Variants in DNAH7 observed in about 807,000 individuals in gnomAD.
DNAH7 encodes the protein axonemal beta dynein heavy chain 7.
DNAH7 carries 397 observed loss-of-function variants against 444.6 expected under a neutral mutation model. The ratio of observed to expected loss-of-function variants is 0.89; its 90% CI spans 0.82 to 0.97. The LOEUF (loss-of-function observed/expected upper bound fraction) is 0.97. Among genes scored for constraint, DNAH7 ranks in the 50% least tolerant of loss-of-function variants. The probability of loss-of-function intolerance (pLI) is 0.00; values close to 1 mark genes in which losing one functional copy is unlikely to be tolerated. For missense variants in DNAH7, 4,902 were observed against 4,800.8 expected (o/e 1.02, Z -0.62); for synonymous variants, 1,636 against 1,624.4 (o/e 1.01, Z -0.17).
At chr2:195,947,081 TTATA>T (rs1012593401) in intron 19 of DNAH7, among the ~76,000 whole-genome samples, 79 of 148,220 alleles carry the variant, frequency 5.3e-4, no homozygotes, top group African/African-American at 1.9e-3. Context: ...ATAAAGCCAA[TTATA>T]TATATATTTA....
intron 40 of DNAH7, among the ~76,000 whole-genome samples, chr2:195,868,729 G>A (rs1399080731): frequency 6.6e-6 from 1 of 150,804 alleles, no homozygotes; most frequent in Non-Finnish European, 1.5e-5. Flanking sequence ...TCTATTTTGG[G>A]GGTCTTGTTT....
intron 63 of DNAH7, among the ~76,000 whole-genome samples, chr2:195,749,454 C>G (rs1423064192): frequency 2.6e-5 from 4 of 152,080 alleles, no homozygotes; most frequent in Non-Finnish European, 4.4e-5. Flanking sequence ...ACTAGAAATA[C>G]CATTTGACCC....
chr2:195,964,143 CA>C (rs1180551901), intron 17 of DNAH7, among the ~76,000 whole-genome samples: 1 of 151,646 alleles, frequency 6.6e-6, no homozygotes, highest in African/African-American at 2.4e-5. Flanking sequence ...GGGCAGGAGA[CA>C]AAAAAAATTT....
At chr2:196,036,464 G>A (rs1696397611) in intron 5 of DNAH7, among the ~76,000 whole-genome samples, 1 of 152,118 alleles carries the variant, frequency 6.6e-6, no homozygotes, top group African/African-American at 2.4e-5. Context: ...TACTACCCAA[G>A]GAATAGGCGA....
chr2:195,891,308 TGGAG>T (rs1451831794), intron 31 of DNAH7, among the ~76,000 whole-genome samples: 7 of 152,186 alleles, frequency 4.6e-5, no homozygotes, highest in Non-Finnish European at 1.0e-4. Flanking sequence ...ACAGAGTGGG[TGGAG>T]GAAGAACATT....
At chr2:196,023,754 T>C (rs1342207106) in intron 8 of DNAH7, among the ~76,000 whole-genome samples, 1 of 152,242 alleles carries the variant, frequency 6.6e-6, no homozygotes, top group Admixed American at 6.5e-5. Flanking sequence ...ACTAGAGGCC[T>C]AGCTGTGGCC....
chr2:195,974,755 T>TACACACACACACACAC (rs58054572), intron 15 of DNAH7, among the ~76,000 whole-genome samples: 9 of 143,576 alleles, frequency 6.3e-5, no homozygotes, highest in African/African-American at 2.1e-4. Context: ...ATGTATATTT[T>TACACACACACACACAC]ACACACACAC....
intron 62 of DNAH7, 79 bp from the exon 63 acceptor site, chr2:195,754,593 T>TCTC (rs1693979609): frequency 6.9e-7 from 1 of 1,440,800 alleles, no homozygotes; most frequent in Admixed American, 2.2e-5. Context: ...GGATCTCTGG[T>TCTC]TGCCCAGGCA....
intron 51 of DNAH7, 100 bp downstream of exon 51, chr2:195,816,528 G>T: frequency 2.4e-6 from 2 of 844,670 alleles, no homozygotes; most frequent in Non-Finnish European, 1.8e-6. Context: ...GTAAGTGGCT[G>T]TAATGCTTGT....
intron 17 of DNAH7, among the ~76,000 whole-genome samples, chr2:195,965,699 T>C (rs1310804752): frequency 1.3e-5 from 2 of 152,174 alleles, no homozygotes; most frequent in Non-Finnish European, 2.9e-5. Flanking sequence ...CTTGGTACTT[T>C]GTGTGTATCT....
At position 195,778,661 on chromosome 2, in the gene DNAH7, T is replaced by TACACACACACACAC. The variant is rs1559089787; in HGVS notation, c.10879-677_10879-676insGTGTGTGTGTGTGT. ...ATAAATAAATATATATATATATATA[T>TACACACACACACAC]ATATATATACACACACACACATATA... is the stretch of plus-strand genomic sequence containing the variant. On this transcript the variant is annotated intron_variant, in intron 58 of 64. Coordinates refer to ENST00000312428, the MANE Select transcript of DNAH7 (RefSeq NM_018897.3). Among the ~76,000 whole-genome samples the TACACACACACACAC allele has an allele frequency of 1.8e-4, 18 of 97,786 alleles. No individual in the cohort carries two copies. The East Asian group carries it at 2.2e-3, about 12-fold the overall frequency. 64.2% of individuals were successfully genotyped at this position (97,786 alleles called of 152,430 possible).
At chr2:195,739,906 G>A (rs1574339478) in intron 64 of DNAH7, among the ~76,000 whole-genome samples, 1 of 152,088 alleles carries the variant, frequency 6.6e-6, no homozygotes, top group East Asian at 1.9e-4. Context: ...TTAGTACCAG[G>A]TTTTTCACAT....
chr2:195,744,624 C>T (rs1693269726), intron 63 of DNAH7, among the ~76,000 whole-genome samples: 2 of 152,178 alleles, frequency 1.3e-5, no homozygotes, highest in Admixed American at 6.5e-5. Context: ...CAGACTGACA[C>T]CTCACACGGC....
chr2:195,828,577 T>C (rs955065056), intron 48 of DNAH7, among the ~76,000 whole-genome samples: 16 of 149,728 alleles, frequency 1.1e-4, no homozygotes, highest in African/African-American at 3.7e-4. Context: ...AGAGCAAGAC[T>C]CCATCTCAAA....
chr2:195,746,666 C>T (rs930966052), intron 63 of DNAH7, among the ~76,000 whole-genome samples: 1 of 152,210 alleles, frequency 6.6e-6, no homozygotes, highest in African/African-American at 2.4e-5. Flanking sequence ...ACAGTGCAAT[C>T]AAACTAGAAC....
At chr2:195,954,299 T>C (rs12614021) in intron 19 of DNAH7, among the ~76,000 whole-genome samples, 10,239 of 152,202 alleles carry the variant, frequency 0.067, 490 homozygotes, top group African/African-American at 0.14. Context: ...GTCCTTGCAA[T>C]AGTTTGCTGA....
At chr2:196,064,908 G>A (rs956404289) in intron 1 of DNAH7, among the ~76,000 whole-genome samples, 3 of 151,982 alleles carry the variant, frequency 2.0e-5, no homozygotes, top group Admixed American at 2.0e-4. Flanking sequence ...ATGTATTTTA[G>A]TATAAACACA....
chr2:195,927,401 G>C (rs2125374770), intron 21 of DNAH7, among the ~76,000 whole-genome samples: 1 of 152,220 alleles, frequency 6.6e-6, no homozygotes, highest in African/African-American at 2.4e-5. Flanking sequence ...ATGGAACAAT[G>C]ATAAAGGGCA....
At chr2:195,738,175 A>G (rs761060517) in intron 64 of DNAH7, 48 bp from the exon 65 acceptor site, 2 of 1,530,136 alleles carry the variant, frequency 1.3e-6, no homozygotes, top group South Asian at 2.3e-5. Context: ...TGTTTGTTAA[A>G]TGTACATGTG....
Sources: gnomAD v4.1 joint callset for allele counts (sites outside exome capture counted in the v4.1 genomes callset) on GRCh38, gnomAD v4.1.1 for gene constraint, MANE v1.5 for transcripts, NCBI Gene and HGNC (gene_info 2026-07-23, HGNC 2026-07-21) for gene names.